The following OAS1 variants were observed in gnomAD, a reference collection of about 807,000 sequenced individuals.
OAS1 encodes the protein 2'-5'-oligoadenylate synthase 1.
OAS1 carries 24 observed loss-of-function variants against 38.5 expected under a neutral mutation model. The ratio of observed to expected loss-of-function variants is 0.62; its 90% CI spans 0.45 to 0.88. The LOEUF (loss-of-function observed/expected upper bound fraction) is 0.88. Ranked by LOEUF, OAS1 falls within the 40% of genes least tolerant of loss-of-function variation. The probability of loss-of-function intolerance (pLI) is 0.00; values close to 1 mark genes in which losing one functional copy is unlikely to be tolerated. For missense variants in OAS1, 482 were observed against 493.9 expected (o/e 0.98, Z 0.23); for synonymous variants, 169 against 193.9 (o/e 0.87, Z 1.07).
chr12:112,919,819 T>G lies in OAS1; in HGVS notation c.*266T>G. ...AGAGATTTAGATAAGAGAATGAAAT[T>G]CCAGCCTTGACTTTCTTCTGTGCAC... On this transcript the variant is annotated 3_prime_UTR_variant, in exon 6 of 6. Transcript: ENST00000202917. The G allele has an allele frequency of 7.5e-7, 1 of 1,327,538 alleles. No individual in the cohort carries two copies. Among genetic ancestry groups the G allele is most frequent in the African/African-American group, 1.5e-5 (1 of 67,702 alleles). 82.2% of individuals were successfully genotyped at this position (1,327,538 alleles called of 1,614,324 possible).
intron 3 of OAS1, 64 bp from the exon 4 acceptor site, chr12:112,916,445 G>T: frequency 8.0e-7 from 1 of 1,257,536 alleles, no homozygotes; most frequent in Non-Finnish European, 1.2e-6. Context: ...TGGCCCATGA[G>T]AAGTGTAGTT....
At chr12:112,930,876 C>T (rs538588853) in intron 6 of OAS1, among the ~76,000 whole-genome samples, 3 of 152,328 alleles carry the variant, frequency 2.0e-5, no homozygotes, top group South Asian at 2.1e-4. Context: ...CATATTCATT[C>T]GGGGAGCTCT....
intron 6 of OAS1, among the ~76,000 whole-genome samples, chr12:112,926,890 C>T (rs1007515341): frequency 6.6e-6 from 1 of 152,126 alleles, no homozygotes; most frequent in Non-Finnish European, 1.5e-5. Flanking sequence ...ATTTTAGAGG[C>T]CCCCCGGGAA....
At chr12:112,915,697 G>T (rs533819684) in intron 3 of OAS1, among the ~76,000 whole-genome samples, 1 of 152,130 alleles carries the variant, frequency 6.6e-6, no homozygotes, top group East Asian at 1.9e-4. Flanking sequence ...TGAATTTGTA[G>T]ATTGTTTTTG....
rs1294746052 is a variant in OAS1 at position 112,919,776 on chromosome 12, T to A, written c.*223T>A. On this transcript the variant is annotated 3_prime_UTR_variant, in exon 6 of 6. Transcript: ENST00000202917. ...TCATTCCACCTATTCTCTGAAAATATTCCCTGAGAGAGAACAGAGAGATTT... is the reference window on the plus strand; with the variant it reads ...TCATTCCACCTATTCTCTGAAAATAATCCCTGAGAGAGAACAGAGAGATTT... 2.1e-6 allele frequency: 3 copies of A among 1,438,652 alleles called. No homozygotes were observed. The highest frequency in any genetic ancestry group is 2.9e-5 in the African/African-American group (2 of 69,742). The allele number at this position is 1,438,652 out of a possible 1,614,324, so 89.1% of individuals were successfully genotyped here.
chr12:112,916,418 A>AGGGTT, intron 3 of OAS1, 91 bp from the exon 4 acceptor site: 1 of 887,228 alleles, frequency 1.1e-6, no homozygotes, highest in Non-Finnish European at 1.8e-6. Flanking sequence ...TTATAAAAAC[A>AGGGTT]GGTGGCAGGC....
intron 4 of OAS1, 151 bp from the exon 5 acceptor site, chr12:112,917,396 T>C: frequency 3.1e-6 from 3 of 958,572 alleles, no homozygotes. Flanking sequence ...TGCTGGGGAA[T>C]AGGGCACTGG....
chr12:112,919,828 G>A lies in OAS1; in HGVS notation c.*275G>A, dbSNP rs2043517514. 1 of 1,255,454 alleles carries A rather than the reference G, an allele frequency of 8.0e-7. No homozygotes were observed. Among genetic ancestry groups the A allele is most frequent in the Non-Finnish European group, 1.1e-6 (1 of 934,462 alleles). 77.8% of individuals were successfully genotyped at this position (1,255,454 alleles called of 1,614,324 possible). Reference sequence around the variant, plus strand: ...GATAAGAGAATGAAATTCCAGCCTTGACTTTCTTCTGTGCACCTGATGGGA... The same window carrying A: ...GATAAGAGAATGAAATTCCAGCCTTAACTTTCTTCTGTGCACCTGATGGGA... On this transcript the variant is annotated 3_prime_UTR_variant, in exon 6 of 6. Coordinates refer to ENST00000202917, the MANE Select transcript of OAS1 (RefSeq NM_016816.4).
intron 2 of OAS1, among the ~76,000 whole-genome samples, chr12:112,910,033 A>G (rs900909767): frequency 3.9e-5 from 6 of 152,154 alleles, no homozygotes; most frequent in Admixed American, 6.5e-5. Context: ...CCTTTGTGCC[A>G]TCTCCTGTGT....
intron 6 of OAS1, among the ~76,000 whole-genome samples, chr12:112,929,011 C>T (rs1218159126): frequency 2.0e-5 from 3 of 152,170 alleles, no homozygotes. Context: ...TACATGGTCC[C>T]GTCTAACTCC....
At chr12:112,908,513 A>G (rs770342259) in intron 1 of OAS1, 23 bp from the exon 2 acceptor site, 1 of 1,595,192 alleles carries the variant, frequency 6.3e-7, no homozygotes. Flanking sequence ...AGCATCAATT[A>G]TTATTTTTGT....
rs375395922 is a variant in OAS1 at position 112,917,749 on chromosome 12, G to A, written c.1038+49G>A. 13 of 1,614,000 alleles carry A rather than the reference G, an allele frequency of 8.1e-6. No homozygotes were observed. The highest frequency in any genetic ancestry group is 6.6e-5 in the South Asian group (6 of 91,086). On this transcript the variant is annotated intron_variant, in intron 5 of 5. Transcript: ENST00000202917. ...GCCATTCATCCCTGCCCCTCTCCAT[G>A]AAGCTTGAGACATATAGCTGGAGAC...
intron 5 of OAS1, chr12:112,918,497 T>G (rs2043494059): frequency 5.6e-6 from 2 of 357,274 alleles, no homozygotes; most frequent in African/African-American, 2.1e-5. Flanking sequence ...TACCTTTGGG[T>G]AGATACCGAG....
At chr12:112,930,400 G>A (rs534904817) in intron 6 of OAS1, among the ~76,000 whole-genome samples, 2 of 152,364 alleles carry the variant, frequency 1.3e-5, no homozygotes, top group South Asian at 4.1e-4. Context: ...GCACACCACT[G>A]ATAAAGGACA....
intron 5 of OAS1, chr12:112,919,102 C>G: frequency 2.7e-6 from 1 of 370,118 alleles, no homozygotes; most frequent in Non-Finnish European, 5.0e-6. Flanking sequence ...CCCATGGTGA[C>G]AGAGGTGGCC....
At chr12:112,918,494 G>T in intron 5 of OAS1, 1 of 355,088 alleles carries the variant, frequency 2.8e-6, no homozygotes, top group Admixed American at 3.4e-5. Flanking sequence ...CTTTACCTTT[G>T]GGTAGATACC....
At chr12:112,923,493 T>G (rs1221307714), downstream of OAS1, among the ~76,000 whole-genome samples, 3 of 152,248 alleles carry the variant, frequency 2.0e-5, no homozygotes, top group Non-Finnish European at 2.9e-5. Context: ...CATAGACCTG[T>G]TATCCATTTG....
intron 6 of OAS1, among the ~76,000 whole-genome samples, chr12:112,927,172 C>A (rs1172412889): frequency 6.6e-6 from 1 of 152,148 alleles, no homozygotes; most frequent in Non-Finnish European, 1.5e-5. Flanking sequence ...GGTCCTGAGG[C>A]AACATACATC....
chr12:112,919,143 C>T (rs888406465), intron 5 of OAS1: 1 of 469,220 alleles, frequency 2.1e-6, no homozygotes. Context: ...GGATCACTCA[C>T]TGTGCTTGGG....
Sources: gnomAD v4.1 joint callset for allele counts (sites outside exome capture counted in the v4.1 genomes callset) on GRCh38, gnomAD v4.1.1 for gene constraint, MANE v1.5 for transcripts, NCBI Gene and HGNC (gene_info 2026-07-23, HGNC 2026-07-21) for gene names.